CEP63: variants seen among roughly 807,000 people sequenced by gnomAD.
CEP63 encodes the protein centrosomal protein of 63 kDa.
In CEP63, 84 loss-of-function variants were observed where a neutral mutation model predicts 89.1. The ratio of observed to expected loss-of-function variants is 0.94; its 90% CI spans 0.79 to 1.13. CEP63 has a LOEUF of 1.13. Ranked by LOEUF, CEP63 falls within the 50% of genes most tolerant of loss-of-function variation. CEP63 has a pLI of 0.00. For synonymous variants in CEP63, 267 were observed against 272.5 expected (o/e 0.98, Z 0.20); for missense variants, 838 against 813.3 (o/e 1.03, Z -0.37).
chr3:134,609,772 G>A, the CEP63 span, among the ~76,000 whole-genome samples: 1 of 152,302 alleles, frequency 6.6e-6, no homozygotes, highest in South Asian at 2.1e-4. Flanking sequence ...TCAGACCTGA[G>A]AGGAGAAGGA....
chr3:134,705,323 A>G, the CEP63 span, among the ~76,000 whole-genome samples: 1 of 152,130 alleles, frequency 6.6e-6, no homozygotes, highest in Non-Finnish European at 1.5e-5. Context: ...GAGAAGGAGC[A>G]AAACCTGAGT....
At chr3:134,730,067 C>T in the CEP63 span, among the ~76,000 whole-genome samples, 2 of 152,294 alleles carry the variant, frequency 1.3e-5, no homozygotes, top group South Asian at 4.1e-4. Flanking sequence ...GGAAGAGCCA[C>T]CTTGCTTCCT....
chr3:134,755,228 ACCCTGAGCCCTGAG>A, the CEP63 span, among the ~76,000 whole-genome samples: 52 of 150,526 alleles, frequency 3.5e-4, no homozygotes, highest in African/African-American at 9.6e-4. Flanking sequence ...AGAGCCCTGA[ACCCTGAGCCCTGAG>A]CCCTGAGCCC....
chr3:134,643,151 C>T, the CEP63 span, among the ~76,000 whole-genome samples: 1 of 151,628 alleles, frequency 6.6e-6, no homozygotes. Context: ...CTTGCTGCTT[C>T]CCATGAGACG....
the CEP63 span, among the ~76,000 whole-genome samples, chr3:134,670,728 A>G: frequency 6.6e-6 from 1 of 152,222 alleles, no homozygotes; most frequent in African/African-American, 2.4e-5. Flanking sequence ...GATCATGTAC[A>G]TGGTTGCTTA....
At position 134,558,137 on chromosome 3, in the gene CEP63, A is replaced by G. The variant is rs1016664797; in HGVS notation, c.1468-5A>G. Reference sequence around the variant, plus strand: ...TTAAGTGACTCTAGTATTCTTTTTTATTAGGCAAAAGAGATTTCACTAGCA... The same window carrying G: ...TTAAGTGACTCTAGTATTCTTTTTTGTTAGGCAAAAGAGATTTCACTAGCA... On this transcript the variant is annotated splice_polypyrimidine_tract_variant and splice_region_variant and intron_variant, in intron 12 of 14. Transcript: ENST00000675561. 1.4e-5 allele frequency: 22 copies of G among 1,607,098 alleles called. No homozygotes were observed. The highest frequency in any genetic ancestry group is 2.7e-5 in the African/African-American group (2 of 74,786).
chr3:134,738,650 T>C, the CEP63 span, among the ~76,000 whole-genome samples: 1 of 152,028 alleles, frequency 6.6e-6, no homozygotes, highest in African/African-American at 2.4e-5. Flanking sequence ...GATAAAAGAC[T>C]ACAAATACAG....
chr3:134,751,069 G>C, the CEP63 span, among the ~76,000 whole-genome samples: 1 of 152,168 alleles, frequency 6.6e-6, no homozygotes, highest in Non-Finnish European at 1.5e-5. Context: ...CATATAACTG[G>C]AATCACACAA....
At chr3:134,523,275 G>T (rs1947890445) in intron 3 of CEP63, among the ~76,000 whole-genome samples, 1 of 151,956 alleles carries the variant, frequency 6.6e-6, no homozygotes, top group Non-Finnish European at 1.5e-5. Flanking sequence ...TAACTTTTAA[G>T]TTCTTTATAG....
the CEP63 span, among the ~76,000 whole-genome samples, chr3:134,680,169 G>A: frequency 6.6e-6 from 1 of 152,028 alleles, no homozygotes; most frequent in East Asian, 1.9e-4. Context: ...CCAACGTCTT[G>A]ATCTTGGACT....
chr3:134,510,106 A>G (rs1238939130), intron 3 of CEP63, among the ~76,000 whole-genome samples: 1 of 152,216 alleles, frequency 6.6e-6, no homozygotes, highest in Non-Finnish European at 1.5e-5. Context: ...TGAAATTTAC[A>G]ATCAGAATGG....
chr3:134,627,957 CA>C, the CEP63 span: 1 of 671,010 alleles, frequency 1.5e-6, no homozygotes, highest in Non-Finnish European at 2.7e-6. Flanking sequence ...GTTCCCACCC[CA>C]CTGACCACTG....
At position 134,547,486 on chromosome 3, in the gene CEP63, C is replaced by T. The variant is rs1323578445; in HGVS notation, c.1067+14C>T. The T allele has an allele frequency of 3.7e-6, 6 of 1,610,244 alleles. No individual in the cohort carries two copies. The highest frequency in any genetic ancestry group is 5.1e-6 in the Non-Finnish European group (6 of 1,176,872). On this transcript the variant is annotated intron_variant, in intron 9 of 14. Coordinates refer to ENST00000675561, the MANE Select transcript of CEP63 (RefSeq NM_001353108.3). ...TCTTGAAGGCAGGTACATAATTATA[C>T]ACACATTTCAAAAATTTCAAGTTGT...
the CEP63 span, among the ~76,000 whole-genome samples, chr3:134,593,150 G>A: frequency 5.7e-3 from 861 of 152,276 alleles, 4 homozygotes; most frequent in African/African-American, 0.019. Flanking sequence ...GGGTGATTGC[G>A]TCTTGGATAT....
the CEP63 span, among the ~76,000 whole-genome samples, chr3:134,649,664 C>T: frequency 3.9e-5 from 6 of 152,236 alleles, no homozygotes; most frequent in Non-Finnish European, 7.3e-5. Flanking sequence ...GAGCGCCTGT[C>T]AACATACTCA....
intron 13 of CEP63, 139 bp from the exon 14 acceptor site, chr3:134,559,011 T>C: frequency 1.3e-6 from 1 of 794,358 alleles, no homozygotes; most frequent in Non-Finnish European, 2.0e-6. Context: ...AGAAATCTCT[T>C]TCTGATCTGA....
chr3:134,513,003 A>C (rs1220930965), intron 3 of CEP63, among the ~76,000 whole-genome samples: 1 of 152,202 alleles, frequency 6.6e-6, no homozygotes, highest in Non-Finnish European at 1.5e-5. Context: ...ACACAGGTGT[A>C]AATCTTCTGC....
chr3:134,532,077 C>T (rs957088227), intron 4 of CEP63, 137 bp downstream of exon 4: 5 of 622,300 alleles, frequency 8.0e-6, no homozygotes, highest in African/African-American at 7.4e-5. Flanking sequence ...AGTGGGAATC[C>T]ATTTCTCTGT....
At chr3:134,696,592 A>G in the CEP63 span, among the ~76,000 whole-genome samples, 8,124 of 152,282 alleles carry the variant, frequency 0.053, 284 homozygotes, top group Non-Finnish European at 0.081. Flanking sequence ...AGACAAAATG[A>G]GAAAGAATGA....
Sources: allele counts gnomAD v4.1 joint callset (sites outside exome capture counted in the v4.1 genomes callset), GRCh38; gene constraint gnomAD v4.1.1; transcripts MANE v1.5; gene names NCBI Gene and HGNC (gene_info 2026-07-23, HGNC 2026-07-21).